The following TUBGCP2 variants were observed in gnomAD, a reference collection of about 807,000 sequenced individuals.
TUBGCP2 encodes tubulin gamma complex component 2.
A neutral mutation model predicts 92.2 loss-of-function variants in TUBGCP2; 55 were observed. That is an observed-to-expected ratio of 0.60 (90% CI 0.48 to 0.75). The LOEUF (loss-of-function observed/expected upper bound fraction) is 0.75, where lower values mean the gene tolerates loss of function less well. Ranked by LOEUF, TUBGCP2 falls within the 30% of genes least tolerant of loss-of-function variation. The probability of loss-of-function intolerance (pLI) is 0.00; values close to 1 mark genes in which losing one functional copy is unlikely to be tolerated. For synonymous variants in TUBGCP2, 533 were observed against 505.2 expected, an observed-to-expected ratio of 1.06 and a Z score of -0.74; for missense variants, 1,093 against 1,188.9, an observed-to-expected ratio of 0.92 and a Z score of 1.19.
Position 133,279,682 on chromosome 10 carries a change from C to T in TUBGCP2, c.*84G>A. The T allele has an allele frequency of 6.9e-7, 1 of 1,456,754 alleles. No individual in the cohort carries two copies. 90.2% of individuals were successfully genotyped at this position (1,456,754 alleles called of 1,614,324 possible). ...ATATTTAAACTGCAAAGACAGAACA[C>T]AGAGCATTCGATTTGAAAATTCTGG... On this transcript the variant is annotated 3_prime_UTR_variant, in exon 18 of 18. Transcript: ENST00000252936.
Position 133,300,008 on chromosome 10 carries a change from A to C in TUBGCP2, c.256T>G (p.Ser86Ala). 2 of 1,614,152 alleles carry C rather than the reference A, an allele frequency of 1.2e-6. No homozygotes were observed. Among genetic ancestry groups the C allele is most frequent in the Admixed American group, 3.3e-5 (2 of 60,014 alleles). The change falls in exon 3 of 18, where the codon TCA becomes GCA. Residue 86 changes from serine (S) to alanine (A), a missense_variant. Physicochemically the swap from Ser to Ala is moderately conservative, Grantham distance 99 (BLOSUM62 1). Around this residue, in one of 3 missense-constraint regions of TUBGCP2, gnomAD observed 490 missense variants for 488.5 expected, o/e 1.00. Coordinates refer to ENST00000252936, the MANE Select transcript of TUBGCP2 (RefSeq NM_006659.4). ...ACCTCTTTGTCTTCCGTGAGCTTTG[A>C]CAACAGGTACACCAGCGGGTCAAGG... ...RNLDPLVYLLSKLTEDKETLQ... is the reference protein window; with the variant it reads ...RNLDPLVYLLAKLTEDKETLQ...
At chr10:133,298,161 A>T in intron 4 of TUBGCP2, 50 bp from the exon 5 acceptor site, 1 of 1,586,732 alleles carries the variant, frequency 6.3e-7, no homozygotes, top group Admixed American at 1.7e-5. Context: ...ACTTTAGCGC[A>T]AACACTCAAC....
At chr10:133,287,753 C>A (rs1399465730) in intron 11 of TUBGCP2, among the ~76,000 whole-genome samples, 3 of 149,644 alleles carry the variant, frequency 2.0e-5, no homozygotes, top group African/African-American at 4.9e-5. Context: ...AAAAAAAAAA[C>A]AAAAAACAAC....
At chr10:133,298,756 G>C (rs1847551886) in intron 4 of TUBGCP2, among the ~76,000 whole-genome samples, 1 of 152,238 alleles carries the variant, frequency 6.6e-6, no homozygotes, top group Admixed American at 6.5e-5. Flanking sequence ...CTTCTGCCAC[G>C]GCTGAGGGAG....
intron 2 of TUBGCP2, among the ~76,000 whole-genome samples, chr10:133,301,115 T>C (rs1847641635): frequency 6.6e-6 from 1 of 152,218 alleles, no homozygotes. Context: ...TTTGTTATTA[T>C]GTGCAACCCT....
rs1332538655 is a variant in TUBGCP2 at position 133,300,079 on chromosome 10, T to C, written c.185A>G (p.Asp62Gly). The C allele has an allele frequency of 1.2e-6, 2 of 1,613,978 alleles. No individual in the cohort carries two copies. Among genetic ancestry groups the C allele is most frequent in the Non-Finnish European group, 1.7e-6 (2 of 1,179,974 alleles). ...CAGTTCATCATATTTCTTTAGAAAG[T>C]CTTCTGGAGTACGAGAAAACTCTGC... Reference protein sequence around the residue: ...KIAEFSRTPEDFLKKYDELKS... With the variant: ...KIAEFSRTPEGFLKKYDELKS... The change falls in exon 3 of 18, where the codon GAC becomes GGC. Residue 62 changes from aspartate to glycine, a missense_variant. Around this residue, in one of 3 missense-constraint regions of TUBGCP2, gnomAD observed 490 missense variants for 488.5 expected, o/e 1.00. Coordinates refer to ENST00000252936, the MANE Select transcript of TUBGCP2 (RefSeq NM_006659.4).
At chr10:133,309,377 A>C (rs368439360), upstream of TUBGCP2, 10 of 1,609,892 alleles carry the variant, frequency 6.2e-6, no homozygotes, top group East Asian at 2.2e-5. Flanking sequence ...CCCACGGCGC[A>C]CTTTTCCTGC....
chr10:133,283,028 TCTGCCCACCCGCGC>T lies in TUBGCP2; in HGVS notation c.2289+36_2289+49del, dbSNP rs745398880. On this transcript the variant is annotated intron_variant, in intron 15 of 17. Coordinates refer to ENST00000252936, the MANE Select transcript of TUBGCP2 (RefSeq NM_006659.4). The stretch of plus-strand genomic sequence containing the variant: ...GCGTGCGGCCACGGTCGGGACATGG[TCTGCCCACCCGCGC>T]CTGCCCACCCGATGGTGCTACCCAC... 3.7e-6 allele frequency: 6 copies of T among 1,607,934 alleles called. 1 individual carries two copies. The East Asian group carries it at 6.7e-5, about 18-fold the overall frequency.
intron 2 of TUBGCP2, among the ~76,000 whole-genome samples, chr10:133,301,447 T>C (rs575113285): frequency 1.3e-5 from 2 of 152,154 alleles, no homozygotes; most frequent in South Asian, 4.2e-4. Context: ...TACTCAGTGA[T>C]TTACAATGCT....
Position 133,285,178 on chromosome 10 carries a change from T to A in TUBGCP2, c.1931A>T (p.His644Leu). ...CTCCACGTGCTTGCAGTAGAACATG[T>A]GCCTGAAGAGCATCTGGTAGCGAGT... ...ALTRYQMLFR[H>L]MFYCKHVERQ... Residue 644 changes from histidine to leucine, a missense_variant, in exon 13 of 18, where the codon CAC (histidine) becomes CTC (leucine). This residue lies in a region of TUBGCP2 where 598 missense variants were observed against 675.5 expected (regional missense o/e 0.89). Transcript: ENST00000252936. The surrounding 1 kb of genome is among the most constrained non-coding windows in gnomAD (Gnocchi z 6.8). 1 of 1,613,410 alleles carries A rather than the reference T, an allele frequency of 6.2e-7. No individual in the cohort carries two copies. The highest frequency in any genetic ancestry group is 1.1e-5 in the South Asian group (1 of 91,088).
chr10:133,285,028 G>A lies in TUBGCP2; in HGVS notation c.2024+57C>T. 4 of 1,550,238 alleles carry A rather than the reference G, an allele frequency of 2.6e-6. No individual in the cohort carries two copies. The highest frequency in any genetic ancestry group is 2.6e-6 in the Non-Finnish European group (3 of 1,145,756). ...CACAAGGGGGGCGCTGCACCACTGG[G>A]CAGAGTGCAGCGAGCGCTGCTTCAG... On this transcript the variant is annotated intron_variant, in intron 13 of 17. Coordinates refer to ENST00000252936, the MANE Select transcript of TUBGCP2 (RefSeq NM_006659.4). This position sits in a 1 kb window ranked among gnomAD's most constrained non-coding sequence, Gnocchi z 6.8.
chr10:133,293,505 G>A, intron 6 of TUBGCP2, 57 bp downstream of exon 6: 1 of 1,528,970 alleles, frequency 6.5e-7, no homozygotes, highest in Non-Finnish European at 8.8e-7. Flanking sequence ...ATCAGGATGG[G>A]ACCTAACCCC....
chr10:133,310,082 C>T (rs988823659), upstream of TUBGCP2: 33 of 1,610,254 alleles, frequency 2.0e-5, no homozygotes, highest in East Asian at 1.6e-4. Context: ...GACACCTTTC[C>T]GCCCTTGGCA....
At chr10:133,280,990 TG>T (rs1456719463) in intron 17 of TUBGCP2, among the ~76,000 whole-genome samples, 1 of 127,220 alleles carries the variant, frequency 7.9e-6, no homozygotes, top group East Asian at 2.3e-4. Context: ...TGGACTGAGC[TG>T]AGGAAGGGCT....
At chr10:133,289,337 C>A (rs1166104767) in intron 9 of TUBGCP2, among the ~76,000 whole-genome samples, 1 of 152,220 alleles carries the variant, frequency 6.6e-6, no homozygotes, top group Non-Finnish European at 1.5e-5. Flanking sequence ...TTCGAACAGG[C>A]ATTATGAGAA....
chr10:133,303,079 C>G (rs997231943), intron 1 of TUBGCP2, 99 bp from the exon 2 acceptor site: 1 of 1,154,964 alleles, frequency 8.7e-7, no homozygotes, highest in Non-Finnish European at 1.2e-6. Flanking sequence ...CTTTGACAAA[C>G]CAAGTTATCA....
At chr10:133,292,451 TCCGTGTCCCCGTGTCCCTCCGTGTCC>T (rs768830742) in intron 8 of TUBGCP2, 22 bp downstream of exon 8, 1 of 839,238 alleles carries the variant, frequency 1.2e-6, no homozygotes, top group African/African-American at 5.2e-5. Flanking sequence ...CCCATGTCCC[TCCGTGTCCCCGTGTCCCTCCGTGTCC>T]CCGTGTCCCG....
chr10:133,312,254 C>CGTCTGCCTTTCTAGCATGACCTGTACT, upstream of TUBGCP2: 1 of 1,331,736 alleles, frequency 7.5e-7, no homozygotes, highest in Non-Finnish European at 9.6e-7. Flanking sequence ...TGACCTGTGC[C>CGTCTGCCTTTCTAGCATGACCTGTACT]GTCTGCCTTT....
At position 133,285,590 on chromosome 10, in the gene TUBGCP2, C is replaced by G; in HGVS notation, c.1761G>C (p.Leu587Phe). The G allele has an allele frequency of 3.2e-6, 5 of 1,544,432 alleles. No individual in the cohort carries two copies. The highest frequency in any genetic ancestry group is 4.4e-6 in the Non-Finnish European group (5 of 1,143,516). The change falls in exon 12 of 18, where the codon TTG becomes TTC. Residue 587 changes from leucine (L) to phenylalanine (F), a missense_variant. Physicochemically the swap from Leu to Phe is conservative, Grantham distance 22. Transcript: ENST00000252936. This position sits in a 1 kb window ranked among gnomAD's most constrained non-coding sequence, Gnocchi z 6.8. The part of the protein sequence containing the change: ...LMPHDLITQL[L>F]RVLAIETKQE... Reference sequence around the variant, plus strand: ...GCTTGGTCTCGATGGCCAGGACGCGCAAGAGCTGAGTGATGAGGTCATGGG... The same window carrying G: ...GCTTGGTCTCGATGGCCAGGACGCGGAAGAGCTGAGTGATGAGGTCATGGG...
Sources: gnomAD v4.1 joint callset for allele counts (sites outside exome capture counted in the v4.1 genomes callset) on GRCh38, gnomAD v4.1.1 for gene constraint, gnomAD v4.1.1 regional missense constraint, Gnocchi (gnomAD v3.1) non-coding constraint, MANE v1.5 for transcripts, NCBI Gene and HGNC (gene_info 2026-07-23, HGNC 2026-07-21) for gene names.